LCOR: variants seen among roughly 807,000 people sequenced by gnomAD.
LCOR encodes ligand-dependent corepressor.
Under a neutral mutation model 64.4 loss-of-function variants are expected in LCOR, and 14 were observed. The ratio of observed to expected loss-of-function variants is 0.22; its 90% CI spans 0.14 to 0.34. The LOEUF (loss-of-function observed/expected upper bound fraction) is 0.34. LCOR is among the 10% of genes least tolerant of loss of function. The pLI, the probability that LCOR is intolerant of heterozygous loss-of-function variation, is 1.00. For synonymous variants in LCOR, 643 were observed against 642.5 expected, an observed-to-expected ratio of 1.00 and a Z score of -0.01; for missense variants, 1,686 against 1,765.3, an observed-to-expected ratio of 0.96 and a Z score of 0.80.
chr10:96,855,103 T>G (rs141233285), intron 2 of LCOR, among the ~76,000 whole-genome samples: 2 of 152,236 alleles, frequency 1.3e-5, no homozygotes, highest in East Asian at 3.9e-4. Context: ...TCACAGTGAG[T>G]GAGTGGTTCA....
intron 7 of LCOR, chr10:96,959,880 A>G (rs1847852344): frequency 6.6e-6 from 1 of 152,190 alleles, no homozygotes; most frequent in African/African-American, 2.4e-5. Context: ...AAGCTCAACA[A>G]GTGTGAAGTG....
chr10:96,884,758 G>A (rs971531591), intron 2 of LCOR, among the ~76,000 whole-genome samples: 3 of 152,148 alleles, frequency 2.0e-5, no homozygotes, highest in East Asian at 1.9e-4. Context: ...GCCTTTATGC[G>A]AGAGTCTCAG....
intron 2 of LCOR, among the ~76,000 whole-genome samples, chr10:96,863,008 G>GCCC (rs1845913068): frequency 1.3e-5 from 2 of 150,640 alleles, no homozygotes; most frequent in South Asian, 4.2e-4. Context: ...AGCCTCCCAG[G>GCCC]TAGCTGGGAT....
At chr10:96,966,201 T>C (rs1237223147) in intron 7 of LCOR, among the ~76,000 whole-genome samples, 2 of 148,044 alleles carry the variant, frequency 1.4e-5, no homozygotes, top group East Asian at 2.0e-4. Context: ...GAGTTGGGGA[T>C]TTTTCCCCCC....
intron 2 of LCOR, among the ~76,000 whole-genome samples, chr10:96,844,090 A>ACCCT (rs370487108): frequency 5.5e-5 from 2 of 36,506 alleles, no homozygotes; most frequent in Non-Finnish European, 1.4e-4. Flanking sequence ...CTACCTTCCC[A>ACCCT]CCCTCCCTCC....
chr10:96,847,088 C>G (rs1474914724), intron 2 of LCOR, among the ~76,000 whole-genome samples: 1 of 151,938 alleles, frequency 6.6e-6, no homozygotes, highest in African/African-American at 2.4e-5. Flanking sequence ...ACAAAAAATA[C>G]AAAAATTAGT....
chr10:96,953,186 C>T (rs563758211), intron 7 of LCOR, among the ~76,000 whole-genome samples: 1 of 152,114 alleles, frequency 6.6e-6, no homozygotes, highest in East Asian at 1.9e-4. Flanking sequence ...TTCTTAACCC[C>T]TTCTTTTCAC....
intron 4 of LCOR, 77 bp downstream of exon 4, chr10:96,907,824 T>C (rs1228163184): frequency 5.3e-6 from 2 of 377,142 alleles, no homozygotes; most frequent in African/African-American, 2.2e-5. Context: ...TGTGTTACTT[T>C]GTTGGAGGAT....
chr10:96,876,055 A>AT (rs112473379), intron 2 of LCOR, among the ~76,000 whole-genome samples: 21,485 of 151,664 alleles, frequency 0.14, 2,101 homozygotes, highest in African/African-American at 0.27. Flanking sequence ...AACATAGACA[A>AT]TTTTTTCCCC....
intron 4 of LCOR, among the ~76,000 whole-genome samples, chr10:96,913,201 G>T (rs1319609709): frequency 6.6e-6 from 1 of 152,044 alleles, no homozygotes; most frequent in African/African-American, 2.4e-5. Context: ...TCGGTACTAG[G>T]TGTATGTACT....
chr10:96,970,494 G>GA (rs920913530), intron 7 of LCOR, among the ~76,000 whole-genome samples: 2 of 151,492 alleles, frequency 1.3e-5, no homozygotes, highest in African/African-American at 4.8e-5. Context: ...GATGGATTAA[G>GA]AAAAAAAATC....
At chr10:96,937,647 C>G (rs1847374052) in intron 4 of LCOR, among the ~76,000 whole-genome samples, 1 of 152,114 alleles carries the variant, frequency 6.6e-6, no homozygotes, top group African/African-American at 2.4e-5. Flanking sequence ...CCACCACACT[C>G]TGCCTTCACT....
intron 2 of LCOR, among the ~76,000 whole-genome samples, chr10:96,835,475 A>G (rs936884327): frequency 4.6e-5 from 7 of 152,112 alleles, no homozygotes; most frequent in African/African-American, 1.4e-4. Context: ...CTCTTTTATT[A>G]TATGTAATTT....
intron 2 of LCOR, among the ~76,000 whole-genome samples, chr10:96,861,624 C>T (rs1360161749): frequency 1.3e-5 from 2 of 152,090 alleles, no homozygotes; most frequent in Non-Finnish European, 2.9e-5. Context: ...CAGCTCACTG[C>T]ATCCTCCACC....
chr10:96,889,134 A>G (rs1334250155), intron 2 of LCOR, among the ~76,000 whole-genome samples: 1 of 152,262 alleles, frequency 6.6e-6, no homozygotes, highest in Non-Finnish European at 1.5e-5. Context: ...AAGATAGACC[A>G]TACCTATTAC....
chr10:96,973,439 T>C (rs905300359), intron 7 of LCOR, among the ~76,000 whole-genome samples: 6 of 152,036 alleles, frequency 3.9e-5, no homozygotes, highest in Non-Finnish European at 8.8e-5. Context: ...TAGCCAAGAG[T>C]AGATAAATTT....
chr10:96,966,236 TTTTTTTTTTTG>T, intron 7 of LCOR, among the ~76,000 whole-genome samples: 1 of 138,340 alleles, frequency 7.2e-6, no homozygotes, highest in African/African-American at 2.7e-5. Context: ...TTTTTTTTTT[TTTTTTTTTTTG>T]AGACGGAGTC....
chr10:96,875,678 G>A (rs1846152148), intron 2 of LCOR, among the ~76,000 whole-genome samples: 1 of 151,970 alleles, frequency 6.6e-6, no homozygotes, highest in East Asian at 1.9e-4. Context: ...CCTGGGCAAC[G>A]TGGTGAAACC....
intron 2 of LCOR, among the ~76,000 whole-genome samples, chr10:96,886,857 A>T (rs375709988): frequency 6.6e-6 from 1 of 152,222 alleles, no homozygotes. Flanking sequence ...TTCTAATCAT[A>T]TAACTTTATA....
Sources: allele counts gnomAD v4.1 joint callset (sites outside exome capture counted in the v4.1 genomes callset), GRCh38; gene constraint gnomAD v4.1.1; transcripts MANE v1.5; gene names NCBI Gene and HGNC (gene_info 2026-07-23, HGNC 2026-07-21).